FOXO1: variants seen among roughly 807,000 people sequenced by gnomAD.
FOXO1 encodes the protein forkhead box protein O1.
A neutral mutation model predicts 44.1 loss-of-function variants in FOXO1; 6 were observed. That is an observed-to-expected ratio of 0.14 (90% CI 0.07 to 0.27). The LOEUF is 0.27. Among genes scored for constraint, FOXO1 ranks in the 10% least tolerant of loss-of-function variants. The pLI, the probability that FOXO1 is intolerant of heterozygous loss-of-function variation, is 1.00. For synonymous variants in FOXO1, 380 were observed against 362.7 expected (o/e 1.05, Z -0.54); for missense variants, 737 against 888.8 (o/e 0.83, Z 2.17).
intron 1 of FOXO1, among the ~76,000 whole-genome samples, chr13:40,562,466 C>T (rs1874073309): frequency 6.6e-6 from 1 of 152,190 alleles, no homozygotes. Flanking sequence ...TAAGTTTCCT[C>T]ACCTGTAAAG....
chr13:40,613,313 A>G (rs1038238641), intron 1 of FOXO1, among the ~76,000 whole-genome samples: 1 of 152,168 alleles, frequency 6.6e-6, no homozygotes, highest in South Asian at 2.1e-4. Context: ...CCTGAGGCAC[A>G]TAAGGATGTG....
At chr13:40,610,606 A>G (rs961833199) in intron 1 of FOXO1, among the ~76,000 whole-genome samples, 1 of 152,202 alleles carries the variant, frequency 6.6e-6, no homozygotes, top group Non-Finnish European at 1.5e-5. Flanking sequence ...GGCTCACTTA[A>G]CTGAGGCTGT....
chr13:40,614,498 T>C (rs1566075977), intron 1 of FOXO1, among the ~76,000 whole-genome samples: 5 of 152,200 alleles, frequency 3.3e-5, no homozygotes, highest in Admixed American at 2.0e-4. Flanking sequence ...CGTTTCATTT[T>C]GTAAAGAGGA....
intron 1 of FOXO1, among the ~76,000 whole-genome samples, chr13:40,661,281 C>CTT (rs879558738): frequency 1.4e-5 from 2 of 146,320 alleles, no homozygotes; most frequent in African/African-American, 2.5e-5. Context: ...AGGCTTTCTT[C>CTT]TTTTTTTTTT....
intron 1 of FOXO1, among the ~76,000 whole-genome samples, chr13:40,572,607 G>A (rs1005146294): frequency 6.6e-6 from 1 of 152,228 alleles, no homozygotes; most frequent in African/African-American, 2.4e-5. Context: ...GAATATATAT[G>A]TTTGTTTATA....
At position 40,638,690 on chromosome 13, in the gene FOXO1, A is replaced by T. The variant is rs143399596; in HGVS notation, c.630+26893T>A. Among the ~76,000 whole-genome samples, 717 of 152,306 alleles carry T rather than the reference A, an allele frequency of 4.7e-3. 14 individuals are homozygous for T. Among genetic ancestry groups the T allele is most frequent in the African/African-American group, 0.017 (697 of 41,572 alleles). ...GCAAAATAGGCAGTCTGGGAGGAGGAGGAGGGGGCCTAAGGTTTCAGAAGG... is the reference window on the plus strand; with the variant it reads ...GCAAAATAGGCAGTCTGGGAGGAGGTGGAGGGGGCCTAAGGTTTCAGAAGG... On this transcript the variant is annotated intron_variant, in intron 1 of 2. Transcript: ENST00000379561.
intron 1 of FOXO1, among the ~76,000 whole-genome samples, chr13:40,564,440 G>A (rs1874179558): frequency 6.6e-6 from 1 of 152,168 alleles, no homozygotes. Flanking sequence ...TTGCTGTGCA[G>A]GACTTGTTAC....
chr13:40,654,115 T>C (rs937342801), intron 1 of FOXO1, among the ~76,000 whole-genome samples: 1 of 151,788 alleles, frequency 6.6e-6, no homozygotes, highest in Non-Finnish European at 1.5e-5. Context: ...GTTAAGCTCA[T>C]GGGGTATATC....
intron 1 of FOXO1, among the ~76,000 whole-genome samples, chr13:40,589,612 A>G (rs1555249054): frequency 1.3e-5 from 2 of 152,272 alleles, no homozygotes; most frequent in Admixed American, 6.5e-5. Flanking sequence ...AACCACTAAC[A>G]TAAGTCAAAT....
chr13:40,625,209 C>G (rs930741966), intron 1 of FOXO1, among the ~76,000 whole-genome samples: 4 of 152,190 alleles, frequency 2.6e-5, no homozygotes, highest in Non-Finnish European at 4.4e-5. Flanking sequence ...AAAGCATTAT[C>G]TAACTACCAC....
intron 1 of FOXO1, among the ~76,000 whole-genome samples, chr13:40,664,673 A>T (rs1181969684): frequency 6.6e-6 from 1 of 152,128 alleles, no homozygotes; most frequent in Non-Finnish European, 1.5e-5. Flanking sequence ...TGTGTTTCTA[A>T]CTAAAAGCCT....
chr13:40,659,398 G>T (rs991736475), intron 1 of FOXO1, among the ~76,000 whole-genome samples: 2 of 149,918 alleles, frequency 1.3e-5, no homozygotes, highest in Non-Finnish European at 3.0e-5. Context: ...GTAGCTTCAG[G>T]GATCATCAGA....
chr13:40,664,455 C>G (rs1237221660), intron 1 of FOXO1, among the ~76,000 whole-genome samples: 1 of 151,990 alleles, frequency 6.6e-6, no homozygotes, highest in Non-Finnish European at 1.5e-5. Context: ...CCTGCCCCCA[C>G]GCTAAGTCTC....
intron 1 of FOXO1, among the ~76,000 whole-genome samples, chr13:40,576,039 C>G (rs959906375): frequency 6.6e-6 from 1 of 152,160 alleles, no homozygotes; most frequent in Admixed American, 6.6e-5. Context: ...AAATGGCTTG[C>G]GATCTTTGGG....
intron 1 of FOXO1, among the ~76,000 whole-genome samples, chr13:40,647,458 G>A (rs907120579): frequency 6.6e-6 from 1 of 152,126 alleles, no homozygotes; most frequent in Non-Finnish European, 1.5e-5. Flanking sequence ...AGGCGGGAGT[G>A]CAGTGGCGTG....
intron 1 of FOXO1, among the ~76,000 whole-genome samples, chr13:40,614,570 G>A (rs920820106): frequency 5.3e-5 from 8 of 152,164 alleles, no homozygotes; most frequent in Admixed American, 2.0e-4. Context: ...TGAGAACAAC[G>A]CCAGCAACTT....
At chr13:40,640,180 A>C (rs73467074) in intron 1 of FOXO1, among the ~76,000 whole-genome samples, 125 of 152,356 alleles carry the variant, frequency 8.2e-4, no homozygotes, top group African/African-American at 3.0e-3. Flanking sequence ...CCAATTACTC[A>C]AGAAAAAGCT....
At chr13:40,564,983 C>T (rs1874209941) in intron 1 of FOXO1, among the ~76,000 whole-genome samples, 1 of 151,774 alleles carries the variant, frequency 6.6e-6, no homozygotes, top group Non-Finnish European at 1.5e-5. Context: ...CGGGGAACCC[C>T]GACATGGTGT....
chr13:40,596,112 TA>T (rs1374082117), intron 1 of FOXO1, among the ~76,000 whole-genome samples: 17 of 152,134 alleles, frequency 1.1e-4, no homozygotes, highest in African/African-American at 3.4e-4. Context: ...TTTAGGCTGA[TA>T]AAGTTATGGA....
Sources: gnomAD v4.1 joint callset for allele counts (sites outside exome capture counted in the v4.1 genomes callset) on GRCh38, gnomAD v4.1.1 for gene constraint, MANE v1.5 for transcripts, NCBI Gene and HGNC (gene_info 2026-07-23, HGNC 2026-07-21) for gene names.